Variants in RNF125 observed in about 807,000 individuals in gnomAD.
RNF125 encodes E3 ubiquitin-protein ligase RNF125.
RNF125 carries 21 observed loss-of-function variants against 26.0 expected under a neutral mutation model. The observed-to-expected ratio is 0.81, with a 90% CI of 0.57 to 1.16. The LOEUF is 1.16. Ranked by LOEUF, RNF125 falls within the 50% of genes most tolerant of loss-of-function variation. RNF125 has a pLI of 0.00. For synonymous variants in RNF125, 95 were observed against 109.2 expected, an observed-to-expected ratio of 0.87 and a Z score of 0.81; for missense variants, 270 against 299.4, an observed-to-expected ratio of 0.90 and a Z score of 0.72.
At chr18:32,086,156 C>T in the RNF125 span, among the ~76,000 whole-genome samples, 1 of 151,944 alleles carries the variant, frequency 6.6e-6, no homozygotes, top group Non-Finnish European at 1.5e-5. Flanking sequence ...ATGGTTTCAT[C>T]CTGCTTGTAG....
chr18:32,059,495 T>G (rs1198470818), intron 4 of RNF125, among the ~76,000 whole-genome samples: 1 of 152,226 alleles, frequency 6.6e-6, no homozygotes, highest in Non-Finnish European at 1.5e-5. Flanking sequence ...TAGAGTTGTT[T>G]GCACTCCTTA....
At chr18:32,075,349 G>A (rs1340414532), downstream of RNF125, among the ~76,000 whole-genome samples, 1 of 152,098 alleles carries the variant, frequency 6.6e-6, no homozygotes, top group Admixed American at 6.6e-5. Flanking sequence ...TCTGAGGTCA[G>A]GAGTTCGAGA....
At chr18:32,057,610 C>T (rs911361368) in intron 4 of RNF125, among the ~76,000 whole-genome samples, 16 of 152,128 alleles carry the variant, frequency 1.1e-4, no homozygotes. Context: ...GCTGGGATTA[C>T]AGGCATGAGC....
rs183852030 is a variant in RNF125, at chr18:32,061,246, G to T, written c.505-4656G>T. ...TCACCGTGTTAGCCAGGATGGTGTC[G>T]ATCTCCTGACCTCATGATCCGCCCA... is the stretch of plus-strand genomic sequence containing the variant. On this transcript the variant is annotated intron_variant, in intron 4 of 5. Coordinates refer to ENST00000217740, the MANE Select transcript of RNF125 (RefSeq NM_017831.4). Among the ~76,000 whole-genome samples the T allele has an allele frequency of 3.8e-3, 577 of 152,174 alleles. 2 individuals carry two copies. The highest frequency in any genetic ancestry group is 6.7e-3 in the Non-Finnish European group (454 of 68,014).
intron 4 of RNF125, among the ~76,000 whole-genome samples, chr18:32,048,364 T>G (rs1466198492): frequency 6.6e-6 from 1 of 151,286 alleles, no homozygotes; most frequent in Admixed American, 6.6e-5. Flanking sequence ...AGACGGAGGT[T>G]GCAGTGAGCT....
chr18:32,078,278 G>A, the RNF125 span, among the ~76,000 whole-genome samples: 6 of 151,966 alleles, frequency 3.9e-5, no homozygotes, highest in Admixed American at 2.6e-4. Context: ...ATATTTCCTG[G>A]CACTCTAATC....
At chr18:32,044,513 C>G (rs182485394) in intron 3 of RNF125, among the ~76,000 whole-genome samples, 1 of 151,950 alleles carries the variant, frequency 6.6e-6, no homozygotes, top group African/African-American at 2.4e-5. Context: ...CAAAATTCAG[C>G]GTGTATCTTA....
chr18:32,078,034 C>G (rs537827583), downstream of RNF125, among the ~76,000 whole-genome samples: 1 of 152,172 alleles, frequency 6.6e-6, no homozygotes, highest in Non-Finnish European at 1.5e-5. Flanking sequence ...AAGTGACCCT[C>G]CCACCTCAGC....
intron 4 of RNF125, among the ~76,000 whole-genome samples, chr18:32,046,458 G>C (rs2039272468): frequency 6.6e-6 from 1 of 151,566 alleles, no homozygotes; most frequent in Non-Finnish European, 1.5e-5. Context: ...TTAGCCAGGC[G>C]TGGTGGTGGG....
chr18:32,077,934 A>G (rs1205037094), downstream of RNF125, among the ~76,000 whole-genome samples: 1 of 151,962 alleles, frequency 6.6e-6, no homozygotes, highest in Non-Finnish European at 1.5e-5. Flanking sequence ...GACTATAGGC[A>G]CACACCACCA....
the RNF125 span, among the ~76,000 whole-genome samples, chr18:32,083,588 G>A: frequency 6.6e-6 from 1 of 152,174 alleles, no homozygotes; most frequent in Non-Finnish European, 1.5e-5. Flanking sequence ...CGAGGAAGCC[G>A]GGGCAGAACA....
At chr18:32,083,903 C>T in the RNF125 span, among the ~76,000 whole-genome samples, 5 of 131,606 alleles carry the variant, frequency 3.8e-5, no homozygotes, top group African/African-American at 1.2e-4. Flanking sequence ...GACCCTGTCT[C>T]GAAAAAAAAA....
intron 4 of RNF125, among the ~76,000 whole-genome samples, chr18:32,055,245 G>C (rs1056850178): frequency 6.6e-6 from 1 of 151,152 alleles, no homozygotes; most frequent in Non-Finnish European, 1.5e-5. Flanking sequence ...GCTGCAGTGA[G>C]CTATGATGGC....
chr18:32,030,218 T>C (rs2039078720), intron 1 of RNF125, among the ~76,000 whole-genome samples: 1 of 152,026 alleles, frequency 6.6e-6, no homozygotes, highest in Admixed American at 6.6e-5. Context: ...TAATTTTGTA[T>C]TTTTAGTAGA....
chr18:32,057,953 G>A (rs947149723), intron 4 of RNF125, among the ~76,000 whole-genome samples: 7 of 151,992 alleles, frequency 4.6e-5, no homozygotes, highest in Admixed American at 2.6e-4. Context: ...ACCCCACGCT[G>A]AGAACCATTG....
intron 1 of RNF125, among the ~76,000 whole-genome samples, chr18:32,020,889 A>T (rs2038980081): frequency 6.6e-6 from 1 of 151,858 alleles, no homozygotes; most frequent in Non-Finnish European, 1.5e-5. Context: ...AGCCCGGGCA[A>T]CAGAGCAAAA....
chr18:32,071,521 A>G lies in RNF125; in HGVS notation c.*3137A>G, dbSNP rs1484047919. 4 of 152,214 alleles carry G rather than the reference A, an allele frequency of 2.6e-5. No individual in the cohort carries two copies. Among genetic ancestry groups the G allele is most frequent in the African/African-American group, 9.6e-5 (4 of 41,466 alleles). The allele number at this position is 152,214 out of a possible 1,614,324, so 9.4% of individuals were successfully genotyped here. ...ATCCAGGGCATAGATTAGTATCTCC[A>G]TCTTGTAAGGATGCAAAGAAGCCAT... is the stretch of plus-strand genomic sequence containing the variant. On this transcript the variant is annotated 3_prime_UTR_variant, in exon 6 of 6. Coordinates refer to ENST00000217740, the MANE Select transcript of RNF125 (RefSeq NM_017831.4).
chr18:32,032,512 C>A (rs774685958), intron 1 of RNF125, among the ~76,000 whole-genome samples: 34 of 151,922 alleles, frequency 2.2e-4, no homozygotes, highest in Admixed American at 4.6e-4. Context: ...TGACCAAGCT[C>A]AAGCACTTTC....
downstream of RNF125, chr18:32,073,320 T>C (rs184723862): frequency 6.6e-5 from 10 of 152,328 alleles, no homozygotes; most frequent in Admixed American, 5.2e-4. Flanking sequence ...CCAGTACTTC[T>C]CAACTGGGGG....
Sources: allele counts gnomAD v4.1 joint callset (sites outside exome capture counted in the v4.1 genomes callset), GRCh38; gene constraint gnomAD v4.1.1; transcripts MANE v1.5; gene names NCBI Gene and HGNC (gene_info 2026-07-23, HGNC 2026-07-21).